The following DIP2C variants were observed in gnomAD, a reference collection of about 807,000 sequenced individuals.
The protein encoded by DIP2C is DIP2 acetate--CoA ligase C (putative), also known as disco-interacting protein 2 homolog C.
A neutral mutation model predicts 192.4 loss-of-function variants in DIP2C; 33 were observed. That is an observed-to-expected ratio of 0.17 (90% CI 0.13 to 0.23). DIP2C has a LOEUF of 0.23. DIP2C is among the 10% of genes least tolerant of loss of function. DIP2C has a pLI of 1.00. For synonymous variants in DIP2C, 979 were observed against 864.1 expected, an observed-to-expected ratio of 1.13 and a Z score of -2.33; for missense variants, 1,537 against 2,110.1, an observed-to-expected ratio of 0.73 and a Z score of 5.32.
At chr10:479,259 A>G (rs7902020) in intron 2 of DIP2C, among the ~76,000 whole-genome samples, 35 of 149,152 alleles carry the variant, frequency 2.3e-4, no homozygotes, top group Non-Finnish European at 4.1e-4. Context: ...TGGGATGGGA[A>G]CATCATACAA....
intron 1 of DIP2C, among the ~76,000 whole-genome samples, chr10:532,849 G>A (rs952871725): frequency 6.6e-6 from 1 of 152,034 alleles, no homozygotes; most frequent in Non-Finnish European, 1.5e-5. Context: ...AAGTACAGAG[G>A]TGCTATCACG....
At chr10:426,756 A>G (rs940420922) in intron 4 of DIP2C, among the ~76,000 whole-genome samples, 2 of 152,224 alleles carry the variant, frequency 1.3e-5, no homozygotes, top group African/African-American at 2.4e-5. Flanking sequence ...AGAGAAAGGT[A>G]GTATTTTTTT....
intron 1 of DIP2C, among the ~76,000 whole-genome samples, chr10:535,884 A>G (rs907202936): frequency 6.6e-6 from 1 of 152,260 alleles, no homozygotes; most frequent in African/African-American, 2.4e-5. Flanking sequence ...TATTATAAAC[A>G]TATACACATA....
intron 23 of DIP2C, 47 bp from the exon 24 acceptor site, chr10:356,553 G>A: frequency 6.5e-7 from 1 of 1,549,022 alleles, no homozygotes; most frequent in Non-Finnish European, 8.8e-7. Context: ...GGTTGGATCA[G>A]GCTGTGCGGG....
rs533580229 is a variant in DIP2C at position 615,873 on chromosome 10, T to G, written c.85+73621A>C. On this transcript the variant is annotated intron_variant, in intron 1 of 36. Transcript: ENST00000280886. Reference sequence around the variant, plus strand: ...TTTAGGAAACGACACGCAGCCCAGATGCCAGAGTTTGCCGGCCGTCTTACT... The same window carrying G: ...TTTAGGAAACGACACGCAGCCCAGAGGCCAGAGTTTGCCGGCCGTCTTACT... 2.7e-4 allele frequency among the ~76,000 whole-genome samples: 41 copies of G among 152,328 alleles called. No homozygotes were observed. The East Asian group carries it at 5.8e-3, about 21-fold the overall frequency.
At chr10:503,335 T>C (rs946484140) in intron 1 of DIP2C, among the ~76,000 whole-genome samples, 5 of 152,210 alleles carry the variant, frequency 3.3e-5, no homozygotes. Context: ...AACGTTCCAA[T>C]TTAAAAACTG....
intron 1 of DIP2C, among the ~76,000 whole-genome samples, chr10:600,237 G>C (rs986102881): frequency 2.0e-5 from 3 of 152,184 alleles, no homozygotes; most frequent in Admixed American, 6.5e-5. Context: ...GGAACCCTCA[G>C]TGACCAGGTT....
intron 1 of DIP2C, among the ~76,000 whole-genome samples, chr10:535,823 T>C (rs1250944853): frequency 6.6e-6 from 1 of 152,236 alleles, no homozygotes; most frequent in East Asian, 1.9e-4. Context: ...ATACGACACC[T>C]TGGGTCACAT....
chr10:438,168 G>A (rs1193417318), intron 4 of DIP2C, among the ~76,000 whole-genome samples: 2 of 152,090 alleles, frequency 1.3e-5, no homozygotes, highest in Non-Finnish European at 2.9e-5. Flanking sequence ...TTTGCATTTT[G>A]CAAAGACATC....
intron 1 of DIP2C, among the ~76,000 whole-genome samples, chr10:489,394 C>T (rs1844261131): frequency 6.6e-6 from 1 of 152,260 alleles, no homozygotes; most frequent in Admixed American, 6.5e-5. Flanking sequence ...TGCATATAGA[C>T]AGACGACAGA....
intron 32 of DIP2C, among the ~76,000 whole-genome samples, chr10:299,603 C>G (rs1313695522): frequency 1.3e-5 from 2 of 152,026 alleles, no homozygotes; most frequent in African/African-American, 2.4e-5. Flanking sequence ...GCTACCACAC[C>G]AAAAGTATAT....
intron 24 of DIP2C, among the ~76,000 whole-genome samples, chr10:351,073 G>A (rs1751169354): frequency 6.6e-6 from 1 of 152,184 alleles, no homozygotes; most frequent in Non-Finnish European, 1.5e-5. Context: ...AGAGTGCACA[G>A]CGAGCCCGAG....
At chr10:596,948 G>A (rs1851745283) in intron 1 of DIP2C, among the ~76,000 whole-genome samples, 1 of 152,234 alleles carries the variant, frequency 6.6e-6, no homozygotes, top group South Asian at 2.1e-4. Context: ...ACGTGGCATT[G>A]GTTTTGTGTA....
chr10:366,458 G>A (rs769218027), intron 18 of DIP2C, 47 bp from the exon 19 acceptor site: 1 of 1,611,916 alleles, frequency 6.2e-7, no homozygotes, highest in South Asian at 1.1e-5. Flanking sequence ...GGGGCAGGTG[G>A]GGAGAATAAA....
chr10:567,273 C>T (rs946134857), intron 1 of DIP2C, among the ~76,000 whole-genome samples: 3 of 152,186 alleles, frequency 2.0e-5, no homozygotes, highest in African/African-American at 7.2e-5. Flanking sequence ...ACTGCAACCT[C>T]TACCTCCCAG....
intron 1 of DIP2C, among the ~76,000 whole-genome samples, chr10:568,541 G>T (rs1229087358): frequency 6.6e-6 from 1 of 151,954 alleles, no homozygotes; most frequent in Non-Finnish European, 1.5e-5. Flanking sequence ...GCCGAGACGG[G>T]CGGATCATGA....
intron 1 of DIP2C, among the ~76,000 whole-genome samples, chr10:661,724 G>T (rs1026537472): frequency 6.6e-6 from 1 of 152,094 alleles, no homozygotes; most frequent in African/African-American, 2.4e-5. Flanking sequence ...TCACACTCTG[G>T]CTCCTTGACC....
intron 6 of DIP2C, among the ~76,000 whole-genome samples, chr10:418,145 A>T (rs11499179): frequency 0.016 from 176 of 10,784 alleles, 4 homozygotes; most frequent in Middle Eastern, 0.083. Flanking sequence ...GTCCACCTGC[A>T]CCTGTCAGAG....
intron 31 of DIP2C, among the ~76,000 whole-genome samples, chr10:317,857 G>A (rs183792553): frequency 1.3e-5 from 2 of 152,332 alleles, no homozygotes; most frequent in Non-Finnish European, 1.5e-5. Context: ...GGTAGAATTC[G>A]AATGTTCCTC....
Sources: gnomAD v4.1 joint callset for allele counts (sites outside exome capture counted in the v4.1 genomes callset) on GRCh38, gnomAD v4.1.1 for gene constraint, MANE v1.5 for transcripts, NCBI Gene and HGNC (gene_info 2026-07-23, HGNC 2026-07-21) for gene names.